KALRN: variants seen among roughly 807,000 people sequenced by gnomAD.
KALRN encodes kalirin.
A neutral mutation model predicts 353.7 loss-of-function variants in KALRN; 70 were observed. That is an observed-to-expected ratio of 0.20 (90% confidence interval 0.16 to 0.24). KALRN has a LOEUF of 0.24. Ranked by LOEUF, KALRN falls within the 10% of genes least tolerant of loss-of-function variation. The probability of loss-of-function intolerance (pLI) is 1.00; values close to 1 mark genes in which losing one functional copy is unlikely to be tolerated. For synonymous variants in KALRN, 1,391 were observed against 1,434.8 expected (o/e 0.97, Z 0.69); for missense variants, 2,791 against 3,756.7 (o/e 0.74, Z 6.72).
At chr3:124,325,612 C>T (rs1221652402) in intron 6 of KALRN, among the ~76,000 whole-genome samples, 1 of 152,132 alleles carries the variant, frequency 6.6e-6, no homozygotes, top group Non-Finnish European at 1.5e-5. Context: ...TAGCTTGTGC[C>T]CTCGTCTGAG....
intron 1 of KALRN, among the ~76,000 whole-genome samples, chr3:124,220,700 G>A (rs1396439358): frequency 1.3e-5 from 2 of 152,128 alleles, no homozygotes; most frequent in Admixed American, 6.5e-5. Flanking sequence ...CACTTTCATG[G>A]GGTCTTACAC....
chr3:124,056,787 C>T (rs1049362827), intron 1 of KALRN, among the ~76,000 whole-genome samples: 1 of 152,142 alleles, frequency 6.6e-6, no homozygotes, highest in African/African-American at 2.4e-5. Flanking sequence ...AAGTTCTGAG[C>T]CAATTACAGT....
intron 34 of KALRN, among the ~76,000 whole-genome samples, chr3:124,589,775 G>T (rs58364271): frequency 0.048 from 7,301 of 152,174 alleles, 199 homozygotes; most frequent in East Asian, 0.072. Context: ...GAACCCCTGC[G>T]GGTACCAAAC....
rs149450308 is a variant in KALRN at position 124,656,809 on chromosome 3, C to G, written c.5863-639C>G. 3.3e-4 allele frequency among the ~76,000 whole-genome samples: 50 copies of G among 152,160 alleles called. No individual in the cohort carries two copies. In the East Asian group the frequency reaches 7.2e-3, roughly 22 times the overall value. Reference sequence around the variant, plus strand: ...TATAGAAAACCTGAATTTTAACTTACGGAAAGTTATTCTTGTCTTTTTGTG... The same window carrying G: ...TATAGAAAACCTGAATTTTAACTTAGGGAAAGTTATTCTTGTCTTTTTGTG... On this transcript the variant is annotated intron_variant, in intron 39 of 59. Coordinates refer to ENST00000682506, the MANE Select transcript of KALRN (RefSeq NM_001388419.1).
chr3:124,115,547 G>C (rs2063375829), intron 1 of KALRN, among the ~76,000 whole-genome samples: 1 of 152,220 alleles, frequency 6.6e-6, no homozygotes, highest in Non-Finnish European at 1.5e-5. Flanking sequence ...TCAAAGTGCT[G>C]TATGGGTGGA....
intron 5 of KALRN, among the ~76,000 whole-genome samples, chr3:124,286,722 C>G (rs1379942152): frequency 6.6e-6 from 1 of 152,276 alleles, no homozygotes; most frequent in Non-Finnish European, 1.5e-5. Flanking sequence ...TTGGAACATT[C>G]CATTTTTTAA....
chr3:124,628,189 ATTCCCTCCCTCCCCCCCTCCTTCC>A (rs2080229189), intron 34 of KALRN, among the ~76,000 whole-genome samples: 1 of 8,916 alleles, frequency 1.1e-4, no homozygotes, highest in African/African-American at 6.9e-4. Flanking sequence ...TCCCTCCTTC[ATTCCCTCCCTCCCCCCCTCCTTCC>A]TTCCCTCCCT....
intron 33 of KALRN, among the ~76,000 whole-genome samples, chr3:124,528,910 C>G (rs767109488): frequency 2.4e-4 from 37 of 152,270 alleles, no homozygotes; most frequent in Middle Eastern, 3.4e-3. Flanking sequence ...TACTTGTGCT[C>G]AGCAGGGGGG....
intron 1 of KALRN, among the ~76,000 whole-genome samples, chr3:124,112,304 C>CAAA (rs111307023): frequency 7.9e-5 from 10 of 125,844 alleles, no homozygotes; most frequent in East Asian, 2.3e-4. Flanking sequence ...CTCCATCTCA[C>CAAA]AAAAAAAAAA....
chr3:124,545,725 C>T (rs1023370323), intron 33 of KALRN, among the ~76,000 whole-genome samples: 5 of 152,174 alleles, frequency 3.3e-5, no homozygotes, highest in Non-Finnish European at 5.9e-5. Context: ...CTCTGTTCAG[C>T]GTCCCCATTA....
intron 1 of KALRN, among the ~76,000 whole-genome samples, chr3:124,063,376 G>A (rs958928176): frequency 2.6e-5 from 4 of 152,140 alleles, no homozygotes; most frequent in Non-Finnish European, 5.9e-5. Flanking sequence ...TGCAGGACAG[G>A]GGAAACACTG....
In KALRN at chr3:124,109,733, GAT is replaced by G. The variant is rs1183399699; in HGVS notation, c.73+75929_73+75930del. 3.7e-4 allele frequency among the ~76,000 whole-genome samples: 51 copies of G among 139,558 alleles called. 2 individuals carry two copies. The highest frequency in any genetic ancestry group is 1.4e-3 in the African/African-American group (49 of 35,834). The allele number at this position is 139,558 out of a possible 152,430, so 91.6% of individuals were successfully genotyped here. On this transcript the variant is annotated intron_variant, in intron 1 of 59. Coordinates refer to ENST00000682506, the MANE Select transcript of KALRN (RefSeq NM_001388419.1). Reference sequence around the variant, plus strand: ...ATATATGACATATATATCATACTTTGATATATATATGACATATATATCATACT... The same window carrying G: ...ATATATGACATATATATCATACTTTGATATATATGACATATATATCATACT...
chr3:124,463,743 G>T (rs1250156105), intron 25 of KALRN, among the ~76,000 whole-genome samples: 1 of 152,110 alleles, frequency 6.6e-6, no homozygotes, highest in Non-Finnish European at 1.5e-5. Context: ...AATGATCCTG[G>T]GCTGTAATAG....
intron 13 of KALRN, among the ~76,000 whole-genome samples, chr3:124,408,148 G>A (rs930328215): frequency 4.0e-5 from 6 of 151,536 alleles, no homozygotes; most frequent in Non-Finnish European, 8.8e-5. Flanking sequence ...ATTATGCCTG[G>A]CATTTATCTA....
intron 5 of KALRN, among the ~76,000 whole-genome samples, chr3:124,290,798 C>A (rs1041362102): frequency 3.3e-5 from 5 of 152,156 alleles, no homozygotes; most frequent in Admixed American, 3.3e-4. Context: ...ACATAGTGAG[C>A]ATTTAACAAA....
At chr3:124,476,618 CAG>C (rs1384455658) in intron 26 of KALRN, among the ~76,000 whole-genome samples, 21 of 152,096 alleles carry the variant, frequency 1.4e-4, no homozygotes. Flanking sequence ...AGAGAGTCTT[CAG>C]AGTCTTGAAT....
At chr3:124,263,062 G>C (rs2073082845) in intron 3 of KALRN, among the ~76,000 whole-genome samples, 1 of 152,126 alleles carries the variant, frequency 6.6e-6, no homozygotes. Context: ...AAACTGAGAT[G>C]TTATAACTAT....
chr3:124,136,168 A>T (rs1436890746), intron 1 of KALRN, among the ~76,000 whole-genome samples: 1 of 152,012 alleles, frequency 6.6e-6, no homozygotes, highest in Non-Finnish European at 1.5e-5. Context: ...AATTGCAGCC[A>T]GGGCTAAGAA....
At chr3:124,450,657 G>A (rs2058686484) in intron 21 of KALRN, among the ~76,000 whole-genome samples, 1 of 151,804 alleles carries the variant, frequency 6.6e-6, no homozygotes, top group Non-Finnish European at 1.5e-5. Context: ...TCACCTCCTG[G>A]GTTCAAGTGA....
Sources: gnomAD v4.1 joint callset for allele counts (sites outside exome capture counted in the v4.1 genomes callset) on GRCh38, gnomAD v4.1.1 for gene constraint, MANE v1.5 for transcripts, NCBI Gene and HGNC (gene_info 2026-07-23, HGNC 2026-07-21) for gene names.